The following B3GALT1 variants were observed in gnomAD, a reference collection of about 807,000 sequenced individuals.
B3GALT1 encodes the protein UDP-Gal:betaGlcNAc beta 1,3-galactosyltransferase, polypeptide 1.
Under a neutral mutation model 23.2 loss-of-function variants are expected in B3GALT1, and 10 were observed. The ratio of observed to expected loss-of-function variants is 0.43; its 90% CI spans 0.27 to 0.73. B3GALT1 has a LOEUF of 0.73. Among genes scored for constraint, B3GALT1 ranks in the 30% least tolerant of loss-of-function variants. The pLI is 0.21. For missense variants in B3GALT1, 299 were observed against 405.4 expected (o/e 0.74, Z 2.25); for synonymous variants, 156 against 141.5 (o/e 1.10, Z -0.73).
At chr2:167,824,923 G>A (rs1467443207) in intron 4 of B3GALT1, among the ~76,000 whole-genome samples, 3 of 152,094 alleles carry the variant, frequency 2.0e-5, no homozygotes, top group Non-Finnish European at 4.4e-5. Context: ...TCCATAGAGA[G>A]AGATCTCTGA....
chr2:167,345,172 C>T (rs906835353), intron 1 of B3GALT1, among the ~76,000 whole-genome samples: 1 of 152,092 alleles, frequency 6.6e-6, no homozygotes, highest in African/African-American at 2.4e-5. Context: ...CATGAACTGT[C>T]CTTACAAGCA....
At chr2:167,533,664 T>C (rs1438524795) in intron 2 of B3GALT1, among the ~76,000 whole-genome samples, 1 of 152,198 alleles carries the variant, frequency 6.6e-6, no homozygotes, top group Non-Finnish European at 1.5e-5. Context: ...TTTGTACTAT[T>C]TTTAACCACT....
chr2:167,722,198 G>T (rs1687246100), intron 3 of B3GALT1, among the ~76,000 whole-genome samples: 1 of 152,166 alleles, frequency 6.6e-6, no homozygotes, highest in Admixed American at 6.5e-5. Context: ...TAGTATAAAT[G>T]CACTGTAATG....
rs142125186 is a variant in B3GALT1, at chr2:167,319,372, C to T, written c.-511+26038C>T. Among the ~76,000 whole-genome samples the T allele has an allele frequency of 5.2e-3, 794 of 152,190 alleles. 6 individuals carry two copies. Among genetic ancestry groups the T allele is most frequent in the African/African-American group, 0.016 (680 of 41,550 alleles). On this transcript the variant is annotated intron_variant, in intron 1 of 4. Coordinates refer to ENST00000392690, the MANE Select transcript of B3GALT1 (RefSeq NM_020981.4). ...AAATTCCTTTCTAGGAAGCCTACAT[C>T]GGGTATTATCCTTTACTAGTCTGAA... is the stretch of plus-strand genomic sequence containing the variant.
At chr2:167,784,070 A>C (rs1192977306) in intron 3 of B3GALT1, among the ~76,000 whole-genome samples, 1 of 152,198 alleles carries the variant, frequency 6.6e-6, no homozygotes, top group Non-Finnish European at 1.5e-5. Context: ...CACCTTATCT[A>C]GACTTTTATT....
chr2:167,624,862 C>G (rs905664037), intron 2 of B3GALT1, among the ~76,000 whole-genome samples: 2 of 151,950 alleles, frequency 1.3e-5, no homozygotes, highest in African/African-American at 4.8e-5. Flanking sequence ...AGGAAATAAG[C>G]TATAATTAAC....
intron 3 of B3GALT1, among the ~76,000 whole-genome samples, chr2:167,648,692 A>G (rs558528900): frequency 6.6e-6 from 1 of 152,240 alleles, no homozygotes; most frequent in Admixed American, 6.6e-5. Context: ...TGCCACATAA[A>G]TGCCTTTAAT....
chr2:167,792,943 T>TC (rs1253913473), intron 3 of B3GALT1, among the ~76,000 whole-genome samples: 1 of 151,722 alleles, frequency 6.6e-6, no homozygotes, highest in Admixed American at 6.6e-5. Context: ...AGATGACTAC[T>TC]CACTTATGTG....
chr2:167,365,435 C>T (rs1697570688), intron 1 of B3GALT1, among the ~76,000 whole-genome samples: 1 of 152,112 alleles, frequency 6.6e-6, no homozygotes, highest in Non-Finnish European at 1.5e-5. Context: ...GAGAAATTGG[C>T]TCTAGCATAT....
At chr2:167,521,338 ATCT>A (rs932540076) in intron 2 of B3GALT1, among the ~76,000 whole-genome samples, 3 of 152,098 alleles carry the variant, frequency 2.0e-5, no homozygotes, top group African/African-American at 4.8e-5. Flanking sequence ...ATTTTCCCTG[ATCT>A]TCTTGAAGAT....
intron 3 of B3GALT1, among the ~76,000 whole-genome samples, chr2:167,694,144 C>T (rs1056846596): frequency 6.6e-6 from 1 of 151,994 alleles, no homozygotes; most frequent in Admixed American, 6.6e-5. Context: ...TCCCAGAGGC[C>T]CCCCTCCTAA....
intron 1 of B3GALT1, among the ~76,000 whole-genome samples, chr2:167,377,418 G>A (rs770309085): frequency 2.0e-5 from 3 of 152,124 alleles, no homozygotes; most frequent in Non-Finnish European, 4.4e-5. Flanking sequence ...GTCTACTGGT[G>A]TCATTGGGGT....
chr2:167,392,958 G>T (rs918371530), intron 1 of B3GALT1, among the ~76,000 whole-genome samples: 2 of 152,140 alleles, frequency 1.3e-5, no homozygotes, highest in Non-Finnish European at 2.9e-5. Context: ...TGTTTAGCCG[G>T]GCGCAGTGGC....
intron 4 of B3GALT1, among the ~76,000 whole-genome samples, chr2:167,835,255 G>A (rs1189445225): frequency 1.3e-5 from 2 of 152,194 alleles, no homozygotes; most frequent in Non-Finnish European, 2.9e-5. Context: ...AAGCGCAAGG[G>A]GTCAGGGAGT....
chr2:167,408,061 CACACACACACAG>C (rs1435601114), intron 1 of B3GALT1, among the ~76,000 whole-genome samples: 52 of 97,402 alleles, frequency 5.3e-4, no homozygotes, highest in African/African-American at 1.2e-3. Flanking sequence ...CACACACACA[CACACACACACAG>C]ACACACAAAA....
At chr2:167,805,049 G>T (rs1210151924) in intron 3 of B3GALT1, among the ~76,000 whole-genome samples, 1 of 152,130 alleles carries the variant, frequency 6.6e-6, no homozygotes, top group Non-Finnish European at 1.5e-5. Flanking sequence ...TCTCACTGTG[G>T]TTTTGATTTG....
At chr2:167,573,717 A>G (rs1168181729) in intron 2 of B3GALT1, among the ~76,000 whole-genome samples, 1 of 151,688 alleles carries the variant, frequency 6.6e-6, no homozygotes. Flanking sequence ...TAATGTATAG[A>G]TTTTGAAGTT....
At chr2:167,303,669 A>G (rs1696495799) in intron 1 of B3GALT1, among the ~76,000 whole-genome samples, 1 of 151,112 alleles carries the variant, frequency 6.6e-6, no homozygotes, top group Admixed American at 6.6e-5. Flanking sequence ...ACACACACAC[A>G]CACACACACA....
chr2:167,302,789 T>A (rs2105480693), intron 1 of B3GALT1, among the ~76,000 whole-genome samples: 1 of 152,316 alleles, frequency 6.6e-6, no homozygotes, highest in Non-Finnish European at 1.5e-5. Context: ...TTAAAGATTC[T>A]GTTAAATATG....
Sources: allele counts gnomAD v4.1 joint callset (sites outside exome capture counted in the v4.1 genomes callset), GRCh38; gene constraint gnomAD v4.1.1; transcripts MANE v1.5; gene names NCBI Gene and HGNC (gene_info 2026-07-23, HGNC 2026-07-21).